Variants in HIVEP1 observed in about 807,000 individuals in gnomAD.
HIVEP1 encodes zinc finger protein 40.
In HIVEP1, 36 loss-of-function variants were observed where a neutral mutation model predicts 180.0. That is an observed-to-expected ratio of 0.20 (90% confidence interval 0.15 to 0.26). HIVEP1 has a LOEUF of 0.26. HIVEP1 is among the 10% of genes least tolerant of loss of function. The probability of loss-of-function intolerance (pLI) is 1.00; values close to 1 mark genes in which losing one functional copy is unlikely to be tolerated. For synonymous variants in HIVEP1, 1,239 were observed against 1,239.0 expected (o/e 1.00, Z 0.00); for missense variants, 3,143 against 3,268.7 (o/e 0.96, Z 0.94).
the HIVEP1 span, among the ~76,000 whole-genome samples, chr6:12,178,388 A>G: frequency 1.3e-5 from 2 of 152,334 alleles, no homozygotes; most frequent in African/African-American, 4.8e-5. Flanking sequence ...CAGGAGTTTG[A>G]GACCAGCCTG....
At chr6:12,079,382 T>C (rs556868601) in intron 2 of HIVEP1, among the ~76,000 whole-genome samples, 1 of 152,282 alleles carries the variant, frequency 6.6e-6, no homozygotes, top group Admixed American at 6.5e-5. Flanking sequence ...AAATATAGGC[T>C]CTGGCTTTGG....
At chr6:12,206,121 T>A in the HIVEP1 span, among the ~76,000 whole-genome samples, 1 of 151,768 alleles carries the variant, frequency 6.6e-6, no homozygotes, top group South Asian at 2.1e-4. Flanking sequence ...AAGAGGAAAT[T>A]TATTTTTGTT....
chr6:12,132,928 G>T (rs1758504571), intron 6 of HIVEP1, among the ~76,000 whole-genome samples: 1 of 152,002 alleles, frequency 6.6e-6, no homozygotes, highest in Non-Finnish European at 1.5e-5. Context: ...CCTTTTAAAG[G>T]TAGTTAAATA....
At chr6:12,013,205 C>G (rs1767499926) in intron 1 of HIVEP1, among the ~76,000 whole-genome samples, 1 of 80,890 alleles carries the variant, frequency 1.2e-5, no homozygotes, top group Non-Finnish European at 3.1e-5. Flanking sequence ...CTGGCACTTC[C>G]ATTCCCCCCC....
chr6:12,090,255 A>T (rs980923204), intron 3 of HIVEP1, among the ~76,000 whole-genome samples: 10 of 152,076 alleles, frequency 6.6e-5, no homozygotes, highest in African/African-American at 2.4e-4. Context: ...TCCGTGATTT[A>T]TTATTTATTT....
chr6:12,142,816 C>T (rs1339728577), intron 7 of HIVEP1, among the ~76,000 whole-genome samples: 4 of 152,144 alleles, frequency 2.6e-5, no homozygotes, highest in East Asian at 1.9e-4. Context: ...CACATACACC[C>T]TCCCAAGACT....
In HIVEP1 at chr6:12,084,938, T is replaced by C. The variant is rs574628694; in HGVS notation, c.41-4246T>C. Among the ~76,000 whole-genome samples the C allele has an allele frequency of 6.6e-5, 10 of 152,270 alleles. No individual in the cohort carries two copies. The South Asian group carries it at 2.1e-3, about 32-fold the overall frequency. ...GACTCGAGTGCTTTCGGGGTACTGA[T>C]ACAGCTTCCCAAATGTTGACATAAT... On this transcript the variant is annotated intron_variant, in intron 2 of 8. Coordinates refer to ENST00000379388, the MANE Select transcript of HIVEP1 (RefSeq NM_002114.4).
chr6:12,009,245 C>T (rs550623455), upstream of HIVEP1, among the ~76,000 whole-genome samples: 366 of 150,238 alleles, frequency 2.4e-3, 1 homozygote, highest in African/African-American at 7.9e-3. Flanking sequence ...GAACCCGAGC[C>T]GTGGACGCAG....
At chr6:12,017,396 G>A (rs1767865891) in intron 2 of HIVEP1, among the ~76,000 whole-genome samples, 2 of 152,248 alleles carry the variant, frequency 1.3e-5, no homozygotes, top group Admixed American at 6.5e-5. Context: ...CGCTGGTTCA[G>A]GAGTGAAGCT....
chr6:12,069,074 A>G (rs1401162494), intron 2 of HIVEP1, among the ~76,000 whole-genome samples: 1 of 152,248 alleles, frequency 6.6e-6, no homozygotes, highest in African/African-American at 2.4e-5. Flanking sequence ...ATTCTGAGAA[A>G]TGTGTCGTTA....
At chr6:12,011,270 T>TC (rs76242358), upstream of HIVEP1, among the ~76,000 whole-genome samples, 1,415 of 71,190 alleles carry the variant, frequency 0.02, 37 homozygotes, top group South Asian at 0.03. Context: ...CCCCTTGGGG[T>TC]CCCCCCCCCC....
chr6:12,206,978 C>T, the HIVEP1 span, among the ~76,000 whole-genome samples: 3,739 of 152,234 alleles, frequency 0.025, 57 homozygotes, highest in Middle Eastern at 0.065. Context: ...CCTGTCAACA[C>T]TGTCTGTTAA....
At chr6:12,025,482 A>G (rs139531101) in intron 2 of HIVEP1, among the ~76,000 whole-genome samples, 1 of 152,308 alleles carries the variant, frequency 6.6e-6, no homozygotes, top group East Asian at 1.9e-4. Flanking sequence ...GCTTAATTTT[A>G]TAGTTGGAAG....
chr6:12,018,530 T>G (rs1767985289), intron 2 of HIVEP1, among the ~76,000 whole-genome samples: 1 of 152,228 alleles, frequency 6.6e-6, no homozygotes, highest in African/African-American at 2.4e-5. Context: ...GAAGAGCTGA[T>G]AGGTAAACAT....
At chr6:12,200,714 A>G in the HIVEP1 span, among the ~76,000 whole-genome samples, 1 of 152,256 alleles carries the variant, frequency 6.6e-6, no homozygotes, top group Non-Finnish European at 1.5e-5. Flanking sequence ...GCATCTCTCA[A>G]GCCAAAGGGA....
Position 12,123,720 on chromosome 6 carries a change from G to T in HIVEP1, c.3925G>T (p.Glu1309Ter). The change falls in exon 4 of 9, where the codon GAG (glutamate) becomes TAG (stop). Residue 1309 changes from glutamate to a stop codon, truncating the protein, a stop_gained. Coordinates refer to ENST00000379388, the MANE Select transcript of HIVEP1 (RefSeq NM_002114.4). LOFTEE classifies it high-confidence loss of function. ...DSTLSRSLSRESSLSHTSSFS... is the reference protein window; with the variant it reads ...DSTLSRSLSR ...CACTCTCTCCAGGAGTCTAAGTAGG[G>T]AGAGCAGTTTATCTCACACTTCAAG... is the stretch of plus-strand genomic sequence containing the variant. The T allele has an allele frequency of 6.2e-7, 1 of 1,614,118 alleles. No homozygotes were observed. The highest frequency in any genetic ancestry group is 8.5e-7 in the Non-Finnish European group (1 of 1,179,992).
At chr6:12,177,719 C>T in the HIVEP1 span, among the ~76,000 whole-genome samples, 3 of 152,146 alleles carry the variant, frequency 2.0e-5, no homozygotes, top group Non-Finnish European at 2.9e-5. Flanking sequence ...CTCTAAACCA[C>T]AATGTGTCTT....
chr6:12,077,434 G>C (rs1247704337), intron 2 of HIVEP1, among the ~76,000 whole-genome samples: 2 of 152,212 alleles, frequency 1.3e-5, no homozygotes, highest in African/African-American at 4.8e-5. Flanking sequence ...TCCTGGACAG[G>C]AGCTCTGAAG....
At position 12,161,829 on chromosome 6, in the gene HIVEP1, A is replaced by G. The variant is rs201674078; in HGVS notation, c.6878A>G (p.Asp2293Gly). 73 of 1,614,144 alleles carry G rather than the reference A, an allele frequency of 4.5e-5. 1 individual carries two copies. In the Middle Eastern group the frequency reaches 1.5e-3, roughly 33 times the overall value. ...RDENDTIPSVDTSRSPCHQMS... is the reference protein window; with the variant it reads ...RDENDTIPSVGTSRSPCHQMS... ...GAAAACGACACAATTCCGTCTGTAG[A>G]CACTTCCAGGTCCCCGTGTCATCAG... is the stretch of plus-strand genomic sequence containing the variant. The change falls in exon 8 of 9, where the codon GAC (aspartate) becomes GGC (glycine). Residue 2293 changes from aspartate (D) to glycine (G), a missense_variant. This residue lies in a region of HIVEP1 where 595 missense variants were observed against 602.2 expected (regional missense o/e 0.99). Transcript: ENST00000379388.
Sources: allele counts gnomAD v4.1 joint callset (sites outside exome capture counted in the v4.1 genomes callset), GRCh38; gene constraint gnomAD v4.1.1; regional missense constraint gnomAD v4.1.1; transcripts MANE v1.5; gene names NCBI Gene and HGNC (gene_info 2026-07-23, HGNC 2026-07-21).